Variants in XIRP2 observed in about 807,000 individuals in gnomAD.
XIRP2 encodes the protein xin actin-binding repeat-containing protein 2.
XIRP2 carries 236 observed loss-of-function variants against 277.0 expected under a neutral mutation model. That is an observed-to-expected ratio of 0.85 (90% CI 0.77 to 0.95). The LOEUF (loss-of-function observed/expected upper bound fraction) is 0.95. Ranked by LOEUF, XIRP2 falls within the 40% of genes least tolerant of loss-of-function variation. The pLI is 0.00. For missense variants in XIRP2, 4,640 were observed against 4,157.5 expected (o/e 1.12, Z -3.19); for synonymous variants, 1,490 against 1,416.5 (o/e 1.05, Z -1.17).
At chr2:167,208,040 G>A (rs1347053453) in intron 3 of XIRP2, among the ~76,000 whole-genome samples, 1 of 152,052 alleles carries the variant, frequency 6.6e-6, no homozygotes, top group Non-Finnish European at 1.5e-5. Flanking sequence ...TGAATTCTAA[G>A]CCCAGCTATA....
rs1695038323 is a variant in XIRP2 at position 167,240,686 on chromosome 2, C to T, written c.992C>T (p.Thr331Ile). 5 of 1,613,800 alleles carry T rather than the reference C, an allele frequency of 3.1e-6. No individual in the cohort carries two copies. Among genetic ancestry groups the T allele is most frequent in the Non-Finnish European group, 4.2e-6 (5 of 1,179,878 alleles). Reference sequence around the variant, plus strand: ...CAGGTCTCTCATCTTGAAAAGCACACCGAGGAAGTAAACCAAGCATCTCAG... The same window carrying T: ...CAGGTCTCTCATCTTGAAAAGCACATCGAGGAAGTAAACCAAGCATCTCAG... ...TEMVSHLEKH[T>I]EEVNQASQFH... Residue 331 changes from threonine to isoleucine, a missense_variant, in exon 7 of 11, where the codon ACC becomes ATC. Physicochemically the swap from Thr to Ile is moderately conservative, Grantham distance 89. Coordinates refer to ENST00000409195, the MANE Select transcript of XIRP2 (RefSeq NM_152381.6).
At chr2:167,093,168 TAATC>T (rs1360536255) in intron 2 of XIRP2, among the ~76,000 whole-genome samples, 2 of 151,898 alleles carry the variant, frequency 1.3e-5, no homozygotes, top group Admixed American at 6.6e-5. Flanking sequence ...TCAATGCTAT[TAATC>T]AATATAATGA....
At chr2:166,923,724 G>A (rs920648739) in intron 2 of XIRP2, among the ~76,000 whole-genome samples, 1 of 152,048 alleles carries the variant, frequency 6.6e-6, no homozygotes, top group African/African-American at 2.4e-5. Flanking sequence ...CTTTTGCAAA[G>A]CAGTTTTTTT....
chr2:166,907,360 A>G (rs772462531), intron 2 of XIRP2, among the ~76,000 whole-genome samples: 6 of 152,218 alleles, frequency 3.9e-5, no homozygotes, highest in East Asian at 3.9e-4. Context: ...TAATTTGTCA[A>G]TAGCATTTGC....
chr2:167,251,047 G>A lies in XIRP2; in HGVS notation c.9655G>A (p.Ala3219Thr), dbSNP rs1188432489. The A allele has an allele frequency of 6.2e-7, 1 of 1,613,612 alleles. No homozygotes were observed. Among genetic ancestry groups the A allele is most frequent in the Non-Finnish European group, 8.5e-7 (1 of 1,179,720 alleles). Residue 3219 changes from alanine (A) to threonine (T), a missense_variant, in exon 9 of 11, where the codon GCA (alanine) becomes ACA (threonine). Transcript: ENST00000409195. ...GAGGTCTGAAATCATCATGTCTCCT[G>A]CAACACTTCGTCGTCAAATTAAGAT... ...EKRSEIIMSP[A>T]TLRRQIKIET...
At chr2:167,058,499 G>T (rs1450093566) in intron 2 of XIRP2, among the ~76,000 whole-genome samples, 1 of 152,126 alleles carries the variant, frequency 6.6e-6, no homozygotes, top group Non-Finnish European at 1.5e-5. Context: ...AGATCTTCTG[G>T]TCTACTTGGT....
intron 2 of XIRP2, among the ~76,000 whole-genome samples, chr2:167,026,011 G>C (rs147216376): frequency 0.035 from 5,309 of 152,158 alleles, 113 homozygotes; most frequent in East Asian, 0.053. Context: ...GGGTATCCTT[G>C]TTAACTTTCT....
At chr2:166,924,648 A>G (rs1177707663) in intron 2 of XIRP2, among the ~76,000 whole-genome samples, 1 of 152,030 alleles carries the variant, frequency 6.6e-6, no homozygotes, top group Non-Finnish European at 1.5e-5. Flanking sequence ...AGGTTTCTTA[A>G]GTACTTCTGC....
intron 2 of XIRP2, among the ~76,000 whole-genome samples, chr2:166,961,701 C>T (rs1163136117): frequency 6.6e-6 from 1 of 151,736 alleles, no homozygotes; most frequent in Admixed American, 6.6e-5. Context: ...TCTCTGTCTA[C>T]AGATTGACCA....
chr2:166,938,255 C>T (rs191036266), intron 2 of XIRP2, among the ~76,000 whole-genome samples: 1 of 152,314 alleles, frequency 6.6e-6, no homozygotes, highest in East Asian at 1.9e-4. Flanking sequence ...TCCCTCTACA[C>T]ACTGCTTTAT....
chr2:167,159,782 A>G (rs1692309685), intron 3 of XIRP2, among the ~76,000 whole-genome samples: 1 of 152,352 alleles, frequency 6.6e-6, no homozygotes, highest in Admixed American at 6.5e-5. Context: ...CATAACTGGT[A>G]CATATATGAC....
intron 4 of XIRP2, among the ~76,000 whole-genome samples, chr2:167,214,297 G>GGA (rs1553500708): frequency 1.1e-5 from 1 of 87,184 alleles, no homozygotes; most frequent in African/African-American, 5.1e-5. Flanking sequence ...GGGAGGGAGG[G>GGA]AGGAAGGAAG....
rs57006710 is a variant in XIRP2, at chr2:167,221,460, CAAAAAAAAAAAAAAAA to C, written c.858+3170_858+3185del. Among the ~76,000 whole-genome samples the C allele has an allele frequency of 6.6e-4, 42 of 63,500 alleles. No individual in the cohort carries two copies. In the South Asian group the frequency reaches 0.025, roughly 38 times the overall value. 41.7% of individuals were successfully genotyped at this position (63,500 alleles called of 152,430 possible). ...GGGCAACAAGAGCGAAACTCCATCT[CAAAAAAAAAAAAAAAA>C]AAAAAAAAAGGAAAAAGTCATTTGT... On this transcript the variant is annotated intron_variant, in intron 5 of 10. Coordinates refer to ENST00000409195, the MANE Select transcript of XIRP2 (RefSeq NM_152381.6).
intron 2 of XIRP2, among the ~76,000 whole-genome samples, chr2:167,026,697 T>A (rs1688171430): frequency 6.6e-6 from 1 of 152,154 alleles, no homozygotes. Context: ...AGTATTTTAT[T>A]TCTCCTTCAC....
chr2:166,981,811 A>T (rs559575462), intron 2 of XIRP2, among the ~76,000 whole-genome samples: 1 of 152,334 alleles, frequency 6.6e-6, no homozygotes, highest in African/African-American at 2.4e-5. Context: ...TTTCCAAATA[A>T]GGTCACATTC....
At chr2:167,094,499 G>A (rs532173959) in intron 2 of XIRP2, among the ~76,000 whole-genome samples, 41 of 152,266 alleles carry the variant, frequency 2.7e-4, no homozygotes, top group Admixed American at 9.8e-4. Context: ...TGTATAAGGT[G>A]TAAGGAAGGG....
chr2:167,090,973 T>C (rs1007395303), intron 2 of XIRP2, among the ~76,000 whole-genome samples: 1 of 152,108 alleles, frequency 6.6e-6, no homozygotes, highest in Non-Finnish European at 1.5e-5. Flanking sequence ...AGCACAACAA[T>C]ATCTTGCCAG....
chr2:167,033,519 A>T (rs1020980963), intron 2 of XIRP2, among the ~76,000 whole-genome samples: 1 of 152,146 alleles, frequency 6.6e-6, no homozygotes. Flanking sequence ...CAAGTACAAG[A>T]AGGTTATAGA....
intron 2 of XIRP2, among the ~76,000 whole-genome samples, chr2:166,955,467 G>T (rs1403430597): frequency 6.6e-6 from 1 of 151,644 alleles, no homozygotes; most frequent in African/African-American, 2.4e-5. Context: ...ATTGAGGGGG[G>T]TGAGGGAAAT....
Sources: allele counts gnomAD v4.1 joint callset (sites outside exome capture counted in the v4.1 genomes callset), GRCh38; gene constraint gnomAD v4.1.1; transcripts MANE v1.5; gene names NCBI Gene and HGNC (gene_info 2026-07-23, HGNC 2026-07-21).